Variants in KCTD3 observed in about 807,000 individuals in gnomAD.
KCTD3 encodes BTB/POZ domain-containing protein KCTD3.
A neutral mutation model predicts 85.8 loss-of-function variants in KCTD3; 41 were observed. The observed-to-expected ratio is 0.48, with a 90% CI of 0.37 to 0.62. KCTD3 has a LOEUF of 0.62. Ranked by LOEUF, KCTD3 falls within the 20% of genes least tolerant of loss-of-function variation. The probability of loss-of-function intolerance (pLI) is 0.00; values close to 1 mark genes in which losing one functional copy is unlikely to be tolerated. For missense variants in KCTD3, 724 were observed against 989.9 expected (o/e 0.73, Z 3.60); for synonymous variants, 338 against 345.4 (o/e 0.98, Z 0.24).
chr1:215,578,171 T>C (rs1029384247), intron 6 of KCTD3, 90 bp downstream of exon 6: 3 of 983,552 alleles, frequency 3.1e-6, no homozygotes, highest in African/African-American at 3.3e-5. Flanking sequence ...TCCTTGATTA[T>C]TGAGTTTTTT....
rs1571889642 is a variant in KCTD3 at position 215,599,621 on chromosome 1, G to A, written c.934-2246G>A. 2.0e-5 allele frequency among the ~76,000 whole-genome samples: 3 copies of A among 152,272 alleles called. No homozygotes were observed. The South Asian group carries it at 6.2e-4, about 32-fold the overall frequency. On this transcript the variant is annotated intron_variant, in intron 10 of 17. Transcript: ENST00000259154. ...CTTGCCATGAAGTTGTTAGGACGAA[G>A]AAGAGGAGGCCACACAGTGGCTGCT...
Position 215,621,682 on chromosome 1 carries a change from A to G in KCTD3, c.*1064A>G, listed in dbSNP as rs1655696447. 6.6e-6 allele frequency: 1 copy of G among 152,564 alleles called. No homozygotes were observed. Among genetic ancestry groups the G allele is most frequent in the Non-Finnish European group, 1.5e-5 (1 of 67,986 alleles). 9.5% of individuals were successfully genotyped at this position (152,564 alleles called of 1,614,324 possible). On this transcript the variant is annotated 3_prime_UTR_variant, in exon 18 of 18. Coordinates refer to ENST00000259154, the MANE Select transcript of KCTD3 (RefSeq NM_016121.5). Reference sequence around the variant, plus strand: ...ATTGGTGAATAATGTATATATCCCCATTCCAAGAAATATAAGTGAGTGAAG... The same window carrying G: ...ATTGGTGAATAATGTATATATCCCCGTTCCAAGAAATATAAGTGAGTGAAG...
intron 10 of KCTD3, among the ~76,000 whole-genome samples, chr1:215,596,524 C>A (rs1486929538): frequency 6.6e-6 from 1 of 151,966 alleles, no homozygotes; most frequent in Non-Finnish European, 1.5e-5. Flanking sequence ...GGATAGACAA[C>A]CAAGAGCCAA....
At chr1:215,606,028 A>G (rs1655009407) in intron 13 of KCTD3, among the ~76,000 whole-genome samples, 3 of 152,288 alleles carry the variant, frequency 2.0e-5, no homozygotes, top group South Asian at 4.1e-4. Context: ...TTAAATTTCT[A>G]CCATAGCCTG....
At chr1:215,594,146 C>T (rs1454510556) in intron 9 of KCTD3, among the ~76,000 whole-genome samples, 1 of 152,144 alleles carries the variant, frequency 6.6e-6, no homozygotes, top group Admixed American at 6.5e-5. Flanking sequence ...AGGCATGAGC[C>T]ATCATGCCCG....
Position 215,608,045 on chromosome 1 carries a change from G to A in KCTD3, c.1338G>A (p.Thr446=), listed in dbSNP as rs1011849079. 9 of 1,610,862 alleles carry A rather than the reference G, an allele frequency of 5.6e-6. No individual in the cohort carries two copies. The highest frequency in any genetic ancestry group is 2.2e-5 in the East Asian group (1 of 44,778). ...GTGCAGATAATAATCATGTCCGGAC[G>A]TGGACAGTAACACGATTCAGAGGAA... The part of the protein sequence containing the change: ...SVCADNNHVR[T]WTVTRFRGMI... The change falls in exon 14 of 18, where the codon ACG becomes ACA. Residue 446 remains threonine, a synonymous_variant. Transcript: ENST00000259154.
chr1:215,619,975 T>C (rs1655602700), intron 17 of KCTD3, 82 bp from the exon 18 acceptor site: 1 of 1,013,804 alleles, frequency 9.9e-7, no homozygotes, highest in Non-Finnish European at 1.4e-6. Flanking sequence ...ATATAGTGTG[T>C]TTTATTGGTT....
rs1655572550 is a variant in KCTD3 at position 215,619,201 on chromosome 1, G to A, written c.1796G>A (p.Cys599Tyr). Residue 599 changes from cysteine to tyrosine, a missense_variant, in exon 17 of 18, where the codon TGT (cysteine) becomes TAT (tyrosine). Cys to Tyr is a radical substitution (Grantham distance 194, BLOSUM62 -2). Transcript: ENST00000259154. ...GAGCTACTCAAATTACTCGATCAAT[G>A]TGATTTGAGCACATCTCGCTGTGCT... ...EEELLKLLDQ[C>Y]DLSTSRCATP... is the part of the protein sequence containing the mutation. 1 of 1,614,016 alleles carries A rather than the reference G, an allele frequency of 6.2e-7. No individual in the cohort carries two copies. Among genetic ancestry groups the A allele is most frequent in the East Asian group, 2.2e-5 (1 of 44,886 alleles).
chr1:215,607,304 A>G (rs1353829601), intron 13 of KCTD3, among the ~76,000 whole-genome samples: 3 of 151,722 alleles, frequency 2.0e-5, no homozygotes, highest in Non-Finnish European at 4.4e-5. Context: ...AAAGCATGCC[A>G]AAAAAAGTAG....
At chr1:215,596,794 T>C (rs1398551916) in intron 10 of KCTD3, among the ~76,000 whole-genome samples, 1 of 152,120 alleles carries the variant, frequency 6.6e-6, no homozygotes, top group African/African-American at 2.4e-5. Context: ...TCCTCTAGGT[T>C]AGGACAGGCT....
chr1:215,587,276 C>T (rs569947319), intron 9 of KCTD3, among the ~76,000 whole-genome samples: 1 of 151,954 alleles, frequency 6.6e-6, no homozygotes, highest in Admixed American at 6.6e-5. Flanking sequence ...ACTACAGGCA[C>T]ATGCCACCAC....
At chr1:215,605,925 A>C (rs1407313228) in intron 13 of KCTD3, among the ~76,000 whole-genome samples, 1 of 152,070 alleles carries the variant, frequency 6.6e-6, no homozygotes, top group Non-Finnish European at 1.5e-5. Flanking sequence ...TTCCCTCTCT[A>C]TGGTACATGT....
At chr1:215,589,250 C>T (rs901754378) in intron 9 of KCTD3, among the ~76,000 whole-genome samples, 2 of 152,034 alleles carry the variant, frequency 1.3e-5, no homozygotes, top group Admixed American at 6.5e-5. Context: ...CTCAAGCAGT[C>T]CCCCCACCTC....
chr1:215,573,054 TC>T (rs1659424643), intron 1 of KCTD3, among the ~76,000 whole-genome samples: 1 of 152,178 alleles, frequency 6.6e-6, no homozygotes, highest in Admixed American at 6.5e-5. Flanking sequence ...GTAAAGATCC[TC>T]CCTTGGTAAT....
At chr1:215,615,108 T>C (rs1421342470) in intron 15 of KCTD3, among the ~76,000 whole-genome samples, 3 of 152,180 alleles carry the variant, frequency 2.0e-5, no homozygotes, top group Non-Finnish European at 2.9e-5. Flanking sequence ...TTTTTAAGTT[T>C]ATGATTCCAA....
intron 15 of KCTD3, 27 bp from the exon 16 acceptor site, chr1:215,618,859 A>C: frequency 6.5e-7 from 1 of 1,530,184 alleles, no homozygotes; most frequent in Non-Finnish European, 8.8e-7. Context: ...CATTCCCATC[A>C]GGGCTCTTTC....
chr1:215,577,445 A>T (rs954386430), intron 4 of KCTD3, among the ~76,000 whole-genome samples: 7 of 152,258 alleles, frequency 4.6e-5, no homozygotes, highest in African/African-American at 1.7e-4. Context: ...ATATGTATAT[A>T]TATGAATGGT....
In KCTD3 at chr1:215,567,571, GGCCGCC is replaced by G; in HGVS notation, c.-108_-103del. On this transcript the variant is annotated 5_prime_UTR_variant, in exon 1 of 18. Transcript: ENST00000259154. Reference sequence around the variant, plus strand: ...AAGCCCCGTGCACCCCCCGCCCTCCGGCCGCCGCCGCCCCGCTGGCCCTGCAGCCGT... The same window carrying G: ...AAGCCCCGTGCACCCCCCGCCCTCCGGCCGCCCCGCTGGCCCTGCAGCCGT... 1 of 463,158 alleles carries G rather than the reference GGCCGCC, an allele frequency of 2.2e-6. No individual in the cohort carries two copies. The highest frequency in any genetic ancestry group is 3.2e-6 in the Non-Finnish European group (1 of 313,078). The allele number at this position is 463,158 out of a possible 1,614,324, so 28.7% of individuals were successfully genotyped here. A position where few individuals can be genotyped will look rare whatever the true frequency, so the allele number is the denominator to read the frequency against.
In KCTD3 at chr1:215,620,229, A is replaced by C; in HGVS notation, c.2059A>C (p.Asn687His). 1 of 1,613,926 alleles carries C rather than the reference A, an allele frequency of 6.2e-7. No homozygotes were observed. The highest frequency in any genetic ancestry group is 8.5e-7 in the Non-Finnish European group (1 of 1,179,860). Residue 687 changes from asparagine to histidine, a missense_variant, in exon 18 of 18, where the codon AAT becomes CAT. Transcript: ENST00000259154. Reference protein sequence around the residue: ...NRNVERAVPENGNLGPIQAEV... With the variant: ...NRNVERAVPEHGNLGPIQAEV... ...AAATGTAGAAAGAGCTGTCCCTGAA[A>C]ATGGTAACTTGGGTCCAATACAAGC...
Sources: allele counts gnomAD v4.1 joint callset (sites outside exome capture counted in the v4.1 genomes callset), GRCh38; gene constraint gnomAD v4.1.1; transcripts MANE v1.5; gene names NCBI Gene and HGNC (gene_info 2026-07-23, HGNC 2026-07-21).